The following FAT1 variants were observed in gnomAD, a reference collection of about 807,000 sequenced individuals.
FAT1 encodes protocadherin Fat 1.
Under a neutral mutation model 329.8 loss-of-function variants are expected in FAT1, and 171 were observed. That is an observed-to-expected ratio of 0.52 (90% CI 0.46 to 0.59). The LOEUF (loss-of-function observed/expected upper bound fraction) is 0.59, where lower values mean the gene tolerates loss of function less well. Among genes scored for constraint, FAT1 ranks in the 20% least tolerant of loss-of-function variants. The pLI, the probability that FAT1 is intolerant of heterozygous loss-of-function variation, is 0.00. For synonymous variants in FAT1, 2,233 were observed against 2,228.6 expected, an observed-to-expected ratio of 1.00 and a Z score of -0.06; for missense variants, 5,672 against 5,774.4, an observed-to-expected ratio of 0.98 and a Z score of 0.57.
intron 6 of FAT1, among the ~76,000 whole-genome samples, chr4:186,635,769 T>C (rs1302508438): frequency 2.6e-5 from 4 of 152,216 alleles, no homozygotes; most frequent in East Asian, 1.9e-4. Context: ...CTGTAACTCT[T>C]TGACAAACTT....
chr4:186,659,590 C>T (rs1410400905), intron 3 of FAT1, among the ~76,000 whole-genome samples: 1 of 151,918 alleles, frequency 6.6e-6, no homozygotes, highest in African/African-American at 2.4e-5. Flanking sequence ...GCTGGGCGCT[C>T]CTGCACTCTA....
intron 2 of FAT1, among the ~76,000 whole-genome samples, chr4:186,677,136 T>A (rs1364701073): frequency 3.3e-5 from 5 of 152,208 alleles, no homozygotes; most frequent in Non-Finnish European, 4.4e-5. Context: ...TCTTAAATTT[T>A]AATTCAAATC....
At position 186,707,838 on chromosome 4, in the gene FAT1, C is replaced by T. The variant is rs750735168; in HGVS notation, c.1990G>A (p.Ala664Thr). 3 of 1,613,656 alleles carry T rather than the reference C, an allele frequency of 1.9e-6. No homozygotes were observed. Among genetic ancestry groups the T allele is most frequent in the Non-Finnish European group, 2.5e-6 (3 of 1,179,876 alleles). ...ATPLYINITVAASHKLVNLQC... is the reference protein window; with the variant it reads ...ATPLYINITVTASHKLVNLQC... Reference sequence around the variant, plus strand: ...AAGTTTACCAGCTTGTGACTGGCAGCCACTGTTATGTTGATATATAATGGT... The same window carrying T: ...AAGTTTACCAGCTTGTGACTGGCAGTCACTGTTATGTTGATATATAATGGT... The change falls in exon 2 of 27, where the codon GCT becomes ACT. Residue 664 changes from alanine (A) to threonine (T), a missense_variant. This residue lies in a region of FAT1 where 3,966 missense variants were observed against 3,915.2 expected (regional missense o/e 1.01). Transcript: ENST00000441802.
At chr4:186,721,316 G>C (rs546016345) in intron 1 of FAT1, among the ~76,000 whole-genome samples, 2 of 152,168 alleles carry the variant, frequency 1.3e-5, no homozygotes, top group Non-Finnish European at 2.9e-5. Flanking sequence ...GAAATGAAAA[G>C]TTCCCCTCAG....
rs373682683 is a variant in FAT1 at position 186,706,804 on chromosome 4, C to T, written c.3024G>A (p.Lys1008=). 6 of 1,613,888 alleles carry T rather than the reference C, an allele frequency of 3.7e-6. No homozygotes were observed. Among genetic ancestry groups the T allele is most frequent in the Admixed American group, 1.7e-5 (1 of 59,994 alleles). ...AGCAAGTAGAAGACAGAGAAACTGG[C>T]TTTCCCTTGTCTTTGGCCCTCACAG... is the stretch of plus-strand genomic sequence containing the variant. ...NLTVRAKDKG[K]PVSLSSTCYV... The change falls in exon 2 of 27, where the codon AAG becomes AAA. Residue 1008 remains lysine, a synonymous_variant. Transcript: ENST00000441802.
At chr4:186,651,168 T>C (rs916727142) in intron 3 of FAT1, among the ~76,000 whole-genome samples, 2 of 150,138 alleles carry the variant, frequency 1.3e-5, no homozygotes, top group African/African-American at 4.9e-5. Flanking sequence ...TTATTAATAA[T>C]AAATTAATAA....
chr4:186,679,564 T>C (rs1743116989), intron 2 of FAT1, among the ~76,000 whole-genome samples: 1 of 152,168 alleles, frequency 6.6e-6, no homozygotes, highest in South Asian at 2.1e-4. Flanking sequence ...TTTAGAAAAC[T>C]GTCTGCTTTT....
At chr4:186,644,139 G>A (rs780101605) in intron 3 of FAT1, among the ~76,000 whole-genome samples, 38 of 151,994 alleles carry the variant, frequency 2.5e-4, no homozygotes, top group Non-Finnish European at 4.4e-5. Context: ...TCAGATGAGC[G>A]TTTTTTTCTC....
At chr4:186,615,573 G>A (rs560195341) in intron 11 of FAT1, among the ~76,000 whole-genome samples, 6 of 151,852 alleles carry the variant, frequency 4.0e-5, no homozygotes, top group South Asian at 2.1e-4. Flanking sequence ...ATCCATCCAC[G>A]TCCTGCTACC....
Position 186,588,372 on chromosome 4 carries a change from C to T in FAT1, c.*220G>A. On this transcript the variant is annotated 3_prime_UTR_variant, in exon 27 of 27. Transcript: ENST00000441802. ...ATTTTAACACAGACAGATGTAAATC[C>T]CAAAAGACGTTGGGAAATGGCACAG... The T allele has an allele frequency of 1.8e-6, 1 of 543,072 alleles. No individual in the cohort carries two copies. The highest frequency in any genetic ancestry group is 3.1e-5 in the South Asian group (1 of 31,884). 33.6% of individuals were successfully genotyped at this position (543,072 alleles called of 1,614,324 possible). A position where few individuals can be genotyped will look rare whatever the true frequency, so the allele number is the denominator to read the frequency against.
chr4:186,695,075 G>A (rs1198700122), intron 2 of FAT1, among the ~76,000 whole-genome samples: 2 of 152,210 alleles, frequency 1.3e-5, no homozygotes, highest in Non-Finnish European at 2.9e-5. Context: ...TGAATCTCTA[G>A]AAGTAACTAT....
intron 16 of FAT1, among the ~76,000 whole-genome samples, chr4:186,608,939 T>C (rs1233808675): frequency 6.6e-6 from 1 of 152,236 alleles, no homozygotes; most frequent in African/African-American, 2.4e-5. Context: ...CTCAGAACAC[T>C]GGAACCAACA....
chr4:186,661,665 C>A (rs1742178079), intron 3 of FAT1, among the ~76,000 whole-genome samples: 1 of 152,114 alleles, frequency 6.6e-6, no homozygotes, highest in Non-Finnish European at 1.5e-5. Flanking sequence ...TTTAAAATAT[C>A]CTCTGTAATA....
At chr4:186,710,423 G>A (rs1744897197) in intron 1 of FAT1, among the ~76,000 whole-genome samples, 2 of 152,248 alleles carry the variant, frequency 1.3e-5, no homozygotes, top group Non-Finnish European at 1.5e-5. Flanking sequence ...TATAAGAATG[G>A]TTAAGTTCAC....
chr4:186,605,358 C>T (rs936501753), intron 17 of FAT1, among the ~76,000 whole-genome samples: 2 of 107,824 alleles, frequency 1.9e-5, no homozygotes, highest in South Asian at 3.5e-4. Context: ...GGAGGAGTGG[C>T]GACGAGGTGG....
rs375593676 is a variant in FAT1 at position 186,610,011 on chromosome 4, G to A, written c.9858C>T (p.Ala3286=). 1.5e-5 allele frequency: 24 copies of A among 1,602,388 alleles called. No individual in the cohort carries two copies. The highest frequency in any genetic ancestry group is 1.9e-5 in the Non-Finnish European group (22 of 1,170,252). The change falls in exon 15 of 27, where the codon GCC becomes GCT. Residue 3286 remains alanine (A), a synonymous_variant. Transcript: ENST00000441802. Reference sequence around the variant, plus strand: ...AATCCAGATTCTCAATGATAAATACGGCCCCTGAATAGAAATCAAAATTAC... The same window carrying A: ...AATCCAGATTCTCAATGATAAATACAGCCCCTGAATAGAAATCAAAATTAC... ...GKFSIDSKTG[A]VFIIENLDYE...
chr4:186,594,118 T>C (rs914473543), intron 26 of FAT1, among the ~76,000 whole-genome samples: 4 of 151,752 alleles, frequency 2.6e-5, no homozygotes, highest in Non-Finnish European at 5.9e-5. Flanking sequence ...CAGGCTGGAG[T>C]GCAGTGGCGT....
chr4:186,605,745 G>T (rs937981332), intron 17 of FAT1, among the ~76,000 whole-genome samples: 4 of 149,206 alleles, frequency 2.7e-5, no homozygotes, highest in Non-Finnish European at 5.9e-5. Context: ...GGGGCTAGAA[G>T]AAGAGCAAGA....
At chr4:186,639,882 C>A (rs1741015703) in intron 3 of FAT1, 99 bp from the exon 4 acceptor site, 1 of 1,014,576 alleles carries the variant, frequency 9.9e-7, no homozygotes, top group Non-Finnish European at 1.5e-6. Flanking sequence ...GTAGCTCATG[C>A]CTTAATCCCA....
Sources: allele counts gnomAD v4.1 joint callset (sites outside exome capture counted in the v4.1 genomes callset), GRCh38; gene constraint gnomAD v4.1.1; regional missense constraint gnomAD v4.1.1; transcripts MANE v1.5; gene names NCBI Gene and HGNC (gene_info 2026-07-23, HGNC 2026-07-21).